ZNF461: variants seen among roughly 807,000 people sequenced by gnomAD.
ZNF461 encodes zinc finger protein 461, also known as gonadotropin-inducible ovarian transcription factor-1.
Under a neutral mutation model 18.3 loss-of-function variants are expected in ZNF461, and 16 were observed. That is an observed-to-expected ratio of 0.88 (90% CI 0.59 to 1.33). ZNF461 has a LOEUF of 1.33. ZNF461 is among the 40% of genes most tolerant of loss of function. ZNF461 has a pLI of 0.00. For missense variants in ZNF461, 595 were observed against 669.9 expected, an observed-to-expected ratio of 0.89 and a Z score of 1.23; for synonymous variants, 179 against 216.9, an observed-to-expected ratio of 0.83 and a Z score of 1.54.
intron 4 of ZNF461, among the ~76,000 whole-genome samples, chr19:36,651,218 G>A (rs1012812660): frequency 9.6e-5 from 13 of 135,754 alleles, no homozygotes; most frequent in Admixed American, 6.3e-4. Flanking sequence ...GGCACAAAGC[G>A]AGACTCCGTC....
intron 4 of ZNF461, among the ~76,000 whole-genome samples, chr19:36,654,722 A>G (rs2037686768): frequency 6.6e-6 from 1 of 152,064 alleles, no homozygotes; most frequent in African/African-American, 2.4e-5. Context: ...TAGCCTGTAG[A>G]ATGGATCTGC....
At chr19:36,661,876 T>C (rs553641131) in intron 2 of ZNF461, among the ~76,000 whole-genome samples, 9 of 152,304 alleles carry the variant, frequency 5.9e-5, no homozygotes, top group African/African-American at 2.2e-4. Context: ...TTCTTTTTTA[T>C]TTATTTATTT....
At chr19:36,662,553 C>T (rs1329145578) in intron 2 of ZNF461, among the ~76,000 whole-genome samples, 6 of 152,076 alleles carry the variant, frequency 3.9e-5, no homozygotes, top group African/African-American at 1.4e-4. Flanking sequence ...CTGTGCCTGG[C>T]CAGGGTCCTG....
intron 2 of ZNF461, 30 bp from the exon 3 acceptor site, chr19:36,658,455 G>A (rs1303673393): frequency 1.3e-6 from 2 of 1,546,736 alleles, no homozygotes; most frequent in East Asian, 4.8e-5. Flanking sequence ...TACTATTTTT[G>A]AAATTATAAG....
chr19:36,662,123 C>T (rs1385460587), intron 2 of ZNF461, among the ~76,000 whole-genome samples: 1 of 152,162 alleles, frequency 6.6e-6, no homozygotes, highest in African/African-American at 2.4e-5. Flanking sequence ...CCCGCTTCAG[C>T]CTCCCAAAAT....
intron 2 of ZNF461, among the ~76,000 whole-genome samples, chr19:36,664,452 G>C (rs1276563180): frequency 6.6e-6 from 1 of 152,102 alleles, no homozygotes; most frequent in East Asian, 1.9e-4. Context: ...GCTGGGTGTG[G>C]TGGCACGTGC....
Position 36,638,780 on chromosome 19 carries a change from T to C in ZNF461, c.1565A>G (p.Lys522Arg). 1 of 1,614,204 alleles carries C rather than the reference T, an allele frequency of 6.2e-7. No individual in the cohort carries two copies. Among genetic ancestry groups the C allele is most frequent in the Non-Finnish European group, 8.5e-7 (1 of 1,180,036 alleles). ...FSHHQRIHSG[K>R]KPYQCGKAFN... ...CGCCTTCCCGCATTGATAAGGTTTC[T>C]TTCCAGAATGAATTCTCTGATGGTG... Residue 522 changes from lysine (K) to arginine (R), a missense_variant, in exon 6 of 6, where the codon AAG becomes AGG. Lys to Arg is a conservative substitution (Grantham distance 26). Coordinates refer to ENST00000588268, the MANE Select transcript of ZNF461 (RefSeq NM_153257.5).
Position 36,640,048 on chromosome 19 carries a change from A to C in ZNF461, c.302-5T>G, listed in dbSNP as rs2037396807. On this transcript the variant is annotated splice_region_variant and splice_polypyrimidine_tract_variant and intron_variant, in intron 5 of 5. Coordinates refer to ENST00000588268, the MANE Select transcript of ZNF461 (RefSeq NM_153257.5). ...GCTCATCTCTGGATGCCAAGTCTGAAAGATAAGAAATATATTTTAACTCCT... is the reference window on the plus strand; with the variant it reads ...GCTCATCTCTGGATGCCAAGTCTGACAGATAAGAAATATATTTTAACTCCT... The C allele has an allele frequency of 8.8e-6, 14 of 1,591,892 alleles. No individual in the cohort carries two copies. Among genetic ancestry groups the C allele is most frequent in the Non-Finnish European group, 1.2e-5 (14 of 1,170,648 alleles).
intron 3 of ZNF461, among the ~76,000 whole-genome samples, chr19:36,657,176 C>T (rs1026921404): frequency 4.0e-5 from 6 of 151,486 alleles, no homozygotes; most frequent in Non-Finnish European, 8.8e-5. Context: ...CTTCCAAAGG[C>T]AAATCACTTA....
At position 36,648,770 on chromosome 19, in the gene ZNF461, G is replaced by A. The variant is rs554467444; in HGVS notation, c.233-4908C>T. On this transcript the variant is annotated intron_variant, in intron 4 of 5. Transcript: ENST00000588268. Reference sequence around the variant, plus strand: ...AATTTTTGTATTTTTTGGTAGAGACGGGGTTTCGCCATGTTGGCCAGGCTG... The same window carrying A: ...AATTTTTGTATTTTTTGGTAGAGACAGGGTTTCGCCATGTTGGCCAGGCTG... 2.1e-3 allele frequency among the ~76,000 whole-genome samples: 325 copies of A among 152,122 alleles called. 6 individuals carry two copies. The highest frequency in any genetic ancestry group is 2.5e-3 in the Non-Finnish European group (168 of 68,002).
intron 2 of ZNF461, among the ~76,000 whole-genome samples, chr19:36,663,516 A>ATTT (rs753269882): frequency 7.7e-6 from 1 of 129,858 alleles, no homozygotes; most frequent in Admixed American, 8.1e-5. Flanking sequence ...TTATTATGTA[A>ATTT]TTTTTTTTTT....
chr19:36,640,704 A>T (rs2037408460), intron 5 of ZNF461, among the ~76,000 whole-genome samples: 1 of 152,202 alleles, frequency 6.6e-6, no homozygotes, highest in Non-Finnish European at 1.5e-5. Context: ...ATGTCTATCA[A>T]ATAATGGTTT....
At position 36,639,004 on chromosome 19, in the gene ZNF461, C is replaced by T. The variant is rs1192198659; in HGVS notation, c.1341G>A (p.Gly447=). 2 of 1,613,856 alleles carry T rather than the reference C, an allele frequency of 1.2e-6. No homozygotes were observed. Among genetic ancestry groups the T allele is most frequent in the Admixed American group, 1.7e-5 (1 of 59,972 alleles). Residue 447 remains glycine, a synonymous_variant, in exon 6 of 6, where the codon GGG becomes GGA. Coordinates refer to ENST00000588268, the MANE Select transcript of ZNF461 (RefSeq NM_153257.5). ...GEKPYECKEC[G]KTFRQCSHLK... is the part of the protein sequence containing the mutation. ...GGTGTGAACACTGTCTAAAAGTCTT[C>T]CCACATTCCTTACACTCATAGGGTT...
Position 36,639,713 on chromosome 19 carries a change from T to C in ZNF461, c.632A>G (p.Lys211Arg). 2 of 1,613,592 alleles carry C rather than the reference T, an allele frequency of 1.2e-6. No homozygotes were observed. Among genetic ancestry groups the C allele is most frequent in the African/African-American group, 1.3e-5 (1 of 75,038 alleles). The change falls in exon 6 of 6, where the codon AAA becomes AGA. Residue 211 changes from lysine (K) to arginine (R), a missense_variant. Coordinates refer to ENST00000588268, the MANE Select transcript of ZNF461 (RefSeq NM_153257.5). ...FSYHLFFSHHKRTHSKELSEC... is the reference protein window; with the variant it reads ...FSYHLFFSHHRRTHSKELSEC... ...AGAAAGTTCTTTAGAATGAGTTCTTTTGTGGTGACTAAAAAATAAATGGTA... is the reference window on the plus strand; with the variant it reads ...AGAAAGTTCTTTAGAATGAGTTCTTCTGTGGTGACTAAAAAATAAATGGTA...
At chr19:36,646,945 A>G (rs751961805) in intron 4 of ZNF461, among the ~76,000 whole-genome samples, 4 of 152,218 alleles carry the variant, frequency 2.6e-5, no homozygotes, top group Non-Finnish European at 5.9e-5. Context: ...TACATATGCA[A>G]GAGCTCTTGG....
At position 36,639,637 on chromosome 19, in the gene ZNF461, T is replaced by C. The variant is rs768221998; in HGVS notation, c.708A>G (p.Gln236=). Residue 236 remains glutamine, a synonymous_variant, in exon 6 of 6, where the codon CAA becomes CAG. Transcript: ENST00000588268. ...EIVNTPCLFK[Q]QTIQNGDKCN... ...ATTTGTCACCATTTTGAATTGTCTG[T>C]TGTTTAAAAAGGCATGGTGTATTAA... The C allele has an allele frequency of 6.2e-7, 1 of 1,613,796 alleles. No individual in the cohort carries two copies. Among genetic ancestry groups the C allele is most frequent in the Non-Finnish European group, 8.5e-7 (1 of 1,179,776 alleles).
intron 4 of ZNF461, among the ~76,000 whole-genome samples, chr19:36,644,388 C>A (rs2037484070): frequency 6.6e-6 from 1 of 152,054 alleles, no homozygotes. Flanking sequence ...CCTGCCTCAG[C>A]CTCCTGAATA....
At chr19:36,642,530 G>A (rs1297083340) in intron 5 of ZNF461, among the ~76,000 whole-genome samples, 6 of 152,008 alleles carry the variant, frequency 3.9e-5, no homozygotes, top group African/African-American at 1.4e-4. Context: ...AAGCATATGG[G>A]GAAGTGCAGG....
At chr19:36,645,343 G>GA (rs748063243) in intron 4 of ZNF461, 8 of 150,134 alleles carry the variant, frequency 5.3e-5, no homozygotes, top group Non-Finnish European at 8.9e-5. Flanking sequence ...TACAACACAA[G>GA]AAAATTTTTT....
Sources: allele counts gnomAD v4.1 joint callset (sites outside exome capture counted in the v4.1 genomes callset), GRCh38; gene constraint gnomAD v4.1.1; transcripts MANE v1.5; gene names NCBI Gene and HGNC (gene_info 2026-07-23, HGNC 2026-07-21).